Variants in SLC10A2 observed in about 807,000 individuals in gnomAD.
The protein encoded by SLC10A2 is ileal sodium/bile acid cotransporter.
Under a neutral mutation model 27.1 loss-of-function variants are expected in SLC10A2, and 34 were observed. That is an observed-to-expected ratio of 1.26 (90% CI 0.96 to 1.67). The LOEUF (loss-of-function observed/expected upper bound fraction) is 1.67, where lower values mean the gene tolerates loss of function less well. Ranked by LOEUF, SLC10A2 falls within the 40% of genes most tolerant of loss-of-function variation. The probability of loss-of-function intolerance (pLI) is 0.00; values close to 1 mark genes in which losing one functional copy is unlikely to be tolerated. For synonymous variants in SLC10A2, 205 were observed against 174.0 expected (o/e 1.18, Z -1.40); for missense variants, 530 against 444.4 (o/e 1.19, Z -1.73).
At chr13:103,060,438 A>G (rs1453718724) in intron 1 of SLC10A2, among the ~76,000 whole-genome samples, 1 of 147,020 alleles carries the variant, frequency 6.8e-6, no homozygotes, top group Non-Finnish European at 1.5e-5. Flanking sequence ...AGGCCAGAGT[A>G]CAGGGTCACC....
chr13:103,065,356 T>C (rs986135796), intron 1 of SLC10A2, among the ~76,000 whole-genome samples: 1 of 152,208 alleles, frequency 6.6e-6, no homozygotes, highest in Non-Finnish European at 1.5e-5. Flanking sequence ...GAAGCAAATT[T>C]ACAAATTCTT....
At chr13:103,054,882 C>T (rs1886925) in intron 2 of SLC10A2, among the ~76,000 whole-genome samples, 64,874 of 151,834 alleles carry the variant, frequency 0.43, 14,595 homozygotes, top group Non-Finnish European at 0.5. Flanking sequence ...ACGTATGCCT[C>T]ATATGCCCAT....
At chr13:103,055,176 G>GT (rs145674838) in intron 2 of SLC10A2, among the ~76,000 whole-genome samples, 2,294 of 152,294 alleles carry the variant, frequency 0.015, 26 homozygotes, top group East Asian at 0.05. Context: ...TGTAAAATGG[G>GT]TGGAGTTATG....
At chr13:103,063,358 C>CTGGCATTGTG (rs1192407679) in intron 1 of SLC10A2, among the ~76,000 whole-genome samples, 1 of 152,172 alleles carries the variant, frequency 6.6e-6, no homozygotes, top group Non-Finnish European at 1.5e-5. Flanking sequence ...AATGGTTTTG[C>CTGGCATTGTG]TGGCATTGTG....
chr13:103,055,096 C>A (rs767915227), intron 2 of SLC10A2, among the ~76,000 whole-genome samples: 12 of 152,128 alleles, frequency 7.9e-5, no homozygotes, highest in African/African-American at 2.7e-4. Context: ...TGGAACTGAA[C>A]CTTTCTGTAT....
rs139928366 is a variant in SLC10A2, at chr13:103,054,666, G to A, written c.497-1958C>T. Among the ~76,000 whole-genome samples the A allele has an allele frequency of 2.5e-4, 38 of 152,264 alleles. 1 individual carries two copies. The East Asian group carries it at 7.0e-3, about 28-fold the overall frequency. On this transcript the variant is annotated intron_variant, in intron 2 of 5. Transcript: ENST00000245312. The stretch of plus-strand genomic sequence containing the variant: ...TAACACATAAGCAGCACCACCTGCT[G>A]AAATCCATGGCAGAATTGCTTTTCT...
In SLC10A2 at chr13:103,046,081, G is replaced by A. The variant is rs900493407; in HGVS notation, c.*52C>T. 6.2e-7 allele frequency: 1 copy of A among 1,602,522 alleles called. No homozygotes were observed. The highest frequency in any genetic ancestry group is 8.5e-7 in the Non-Finnish European group (1 of 1,170,168). On this transcript the variant is annotated 3_prime_UTR_variant, in exon 6 of 6. Transcript: ENST00000245312. Reference sequence around the variant, plus strand: ...CTACCAAAACAAATAATTAAATATAGTTACGGTTTAAGAACGTAATTTGGA... The same window carrying A: ...CTACCAAAACAAATAATTAAATATAATTACGGTTTAAGAACGTAATTTGGA...
intron 1 of SLC10A2, among the ~76,000 whole-genome samples, chr13:103,059,249 G>A (rs1052666549): frequency 6.6e-6 from 1 of 152,076 alleles, no homozygotes; most frequent in Non-Finnish European, 1.5e-5. Flanking sequence ...GGCTGCATGT[G>A]TGACTTCTTT....
intron 1 of SLC10A2, among the ~76,000 whole-genome samples, chr13:103,064,816 G>T (rs1595443637): frequency 6.6e-6 from 1 of 152,038 alleles, no homozygotes; most frequent in African/African-American, 2.4e-5. Context: ...CCATATGAAG[G>T]TATAGGGTTT....
chr13:103,050,271 G>C (rs577841253), intron 4 of SLC10A2, among the ~76,000 whole-genome samples: 1 of 152,114 alleles, frequency 6.6e-6, no homozygotes, highest in Non-Finnish European at 1.5e-5. Flanking sequence ...GAGGTCCCCC[G>C]GGCAGTGTGT....
At chr13:103,062,349 C>T (rs1876149325) in intron 1 of SLC10A2, among the ~76,000 whole-genome samples, 1 of 152,158 alleles carries the variant, frequency 6.6e-6, no homozygotes, top group Non-Finnish European at 1.5e-5. Context: ...TGACCTTGGT[C>T]AAGGTTATGA....
intron 4 of SLC10A2, among the ~76,000 whole-genome samples, chr13:103,050,516 G>C (rs1018673756): frequency 2.6e-5 from 4 of 152,184 alleles, no homozygotes; most frequent in African/African-American, 9.7e-5. Context: ...AGCTCACCCT[G>C]CTGCCAGCTG....
At chr13:103,046,620 T>G (rs1405079169) in intron 5 of SLC10A2, among the ~76,000 whole-genome samples, 1 of 152,222 alleles carries the variant, frequency 6.6e-6, no homozygotes, top group Non-Finnish European at 1.5e-5. Flanking sequence ...ATACACATGG[T>G]GCAGTGCAAC....
chr13:103,053,462 T>C (rs1008976341), intron 2 of SLC10A2, among the ~76,000 whole-genome samples: 2 of 152,200 alleles, frequency 1.3e-5, no homozygotes, highest in Non-Finnish European at 2.9e-5. Context: ...TTTACTGCTG[T>C]TTTTGCGACA....
chr13:103,051,351 C>A lies in SLC10A2; in HGVS notation c.667G>T (p.Ala223Ser), dbSNP rs945324729. ...GILYQSAWII[A>S]PKLWIIGTIF... Reference sequence around the variant, plus strand: ...GTTCCTATAATCCACAGTTTGGGAGCAATGATCCAGGCGCTTTGGTACAAT... The same window carrying A: ...GTTCCTATAATCCACAGTTTGGGAGAAATGATCCAGGCGCTTTGGTACAAT... Residue 223 changes from alanine to serine, a missense_variant, in exon 4 of 6, where the codon GCT becomes TCT. Transcript: ENST00000245312. The A allele has an allele frequency of 3.1e-6, 5 of 1,614,010 alleles. No individual in the cohort carries two copies. Among genetic ancestry groups the A allele is most frequent in the Non-Finnish European group, 4.2e-6 (5 of 1,179,978 alleles).
chr13:103,046,557 A>G (rs1217589792), intron 5 of SLC10A2, among the ~76,000 whole-genome samples: 1 of 152,178 alleles, frequency 6.6e-6, no homozygotes, highest in African/African-American at 2.4e-5. Flanking sequence ...AACAATAGGG[A>G]GGATTTATTC....
intron 3 of SLC10A2, among the ~76,000 whole-genome samples, 187 bp downstream of exon 3, chr13:103,052,433 A>G (rs961058783): frequency 8.1e-4 from 48 of 59,518 alleles, no homozygotes; most frequent in Non-Finnish European, 8.5e-4. Flanking sequence ...ACATAGTGAG[A>G]TCCCACCTCT....
intron 5 of SLC10A2, among the ~76,000 whole-genome samples, chr13:103,048,428 A>G (rs186917142): frequency 5.0e-4 from 76 of 151,228 alleles, no homozygotes; most frequent in Middle Eastern, 3.4e-3. Context: ...AAAGAAAAAA[A>G]GAAAAGAGAG....
At chr13:103,051,592 ACTGGAAATACTGACG>A (rs1875784249) in intron 3 of SLC10A2, among the ~76,000 whole-genome samples, 160 bp from the exon 4 acceptor site, 1 of 152,218 alleles carries the variant, frequency 6.6e-6, no homozygotes, top group Non-Finnish European at 1.5e-5. Context: ...CAATCAGCCC[ACTGGAAATACTGACG>A]CTTGTCCCAT....
Sources: gnomAD v4.1 joint callset for allele counts (sites outside exome capture counted in the v4.1 genomes callset) on GRCh38, gnomAD v4.1.1 for gene constraint, MANE v1.5 for transcripts, NCBI Gene and HGNC (gene_info 2026-07-23, HGNC 2026-07-21) for gene names.